AMELX: variants seen among roughly 807,000 people sequenced by gnomAD.
AMELX encodes amelogenin X-linked.
Under a neutral mutation model 15.8 loss-of-function variants are expected in AMELX, and 9 were observed. The observed-to-expected ratio is 0.57, with a 90% confidence interval of 0.34 to 0.99. AMELX has a LOEUF of 0.99. Ranked by LOEUF, AMELX falls within the 50% of genes least tolerant of loss-of-function variation. The pLI is 0.02. For synonymous variants in AMELX, 61 were observed against 58.8 expected (o/e 1.04, Z -0.17); for missense variants, 107 against 156.2 (o/e 0.68, Z 1.68).
At chrX:11,298,413 T>A in intron 4 of AMELX, 135 bp from the exon 5 acceptor site, 1 of 1,118,100 alleles carries the variant, frequency 8.9e-7, no homozygotes, top group South Asian at 1.8e-5. Context: ...CATATCTGTG[T>A]ACACAGTTAC....
At chrX:11,305,834 T>A in the AMELX span, among the ~76,000 whole-genome samples, 6 of 111,971 alleles carry the variant, frequency 5.4e-5, no homozygotes, top group South Asian at 2.3e-3. Flanking sequence ...GAAGTTTTTG[T>A]TACAAAATTG....
At chrX:11,297,770 G>A in intron 3 of AMELX, among the ~76,000 whole-genome samples, 1 of 112,083 alleles carries the variant, frequency 8.9e-6, no homozygotes, top group Admixed American at 9.4e-5. Flanking sequence ...TAGGATGAGG[G>A]ACAGTGTTTG....
chrX:11,306,324 G>A, the AMELX span, among the ~76,000 whole-genome samples: 1 of 112,380 alleles, frequency 8.9e-6, no homozygotes, highest in Admixed American at 9.4e-5. Flanking sequence ...TTCTACTTTT[G>A]TCTCCCCCTT....
In AMELX at chrX:11,296,894, A is replaced by T. The variant is rs1275669963; in HGVS notation, c.102+68A>T. ...CAATGCCCTGGGCTCTGTAAAGAAT[A>T]GTGTGTTGATTCTTTATCCCAGATG... On this transcript the variant is annotated intron_variant, in intron 3 of 5. Transcript: ENST00000380714. 51 of 1,115,716 alleles carry T rather than the reference A, an allele frequency of 4.6e-5. 1 individual carries two copies. The South Asian group carries it at 9.0e-4, about 20-fold the overall frequency. The allele number at this position is 1,115,716 out of a possible 1,213,427, so 91.9% of individuals were successfully genotyped here.
the AMELX span, among the ~76,000 whole-genome samples, chrX:11,308,127 T>A: frequency 8.9e-6 from 1 of 112,209 alleles, no homozygotes; most frequent in Non-Finnish European, 1.9e-5. Context: ...AGGTAATAGA[T>A]CACCAATCTG....
At chrX:11,297,038 C>G (rs1258640837) in intron 3 of AMELX, among the ~76,000 whole-genome samples, 3 of 111,619 alleles carry the variant, frequency 2.7e-5, no homozygotes, top group African/African-American at 9.8e-5. Flanking sequence ...CTGACTCAGT[C>G]TGTCCTCCTA....
chrX:11,309,062 A>G, the AMELX span, among the ~76,000 whole-genome samples: 22 of 111,817 alleles, frequency 2.0e-4, no homozygotes, highest in African/African-American at 6.8e-4. Context: ...GGACACATTG[A>G]GCAAATCCCT....
chrX:11,308,043 A>G, the AMELX span, among the ~76,000 whole-genome samples: 3 of 112,566 alleles, frequency 2.7e-5, no homozygotes, highest in Non-Finnish European at 5.6e-5. Flanking sequence ...CTTTATACCT[A>G]TGGTGGCATG....
intron 2 of AMELX, among the ~76,000 whole-genome samples, chrX:11,296,517 A>G (rs749309419): frequency 4.6e-4 from 51 of 112,053 alleles, no homozygotes; most frequent in African/African-American, 1.5e-3. Flanking sequence ...GTCTCCAGCC[A>G]TAAGGCTATA....
At chrX:11,307,208 T>C in the AMELX span, among the ~76,000 whole-genome samples, 1 of 110,901 alleles carries the variant, frequency 9.0e-6, no homozygotes, top group East Asian at 2.8e-4. Flanking sequence ...GACAGCCCAC[T>C]GAACACACAC....
downstream of AMELX, among the ~76,000 whole-genome samples, chrX:11,301,859 C>A (rs748542756): frequency 8.9e-5 from 10 of 112,045 alleles, no homozygotes; most frequent in East Asian, 2.8e-3. Flanking sequence ...GACAGAAGTA[C>A]AGTCAAAACA....
rs187280112 is a variant in AMELX, at chrX:11,298,408, C to T, written c.144+131C>T. ...AAATTTAGTTTGTAAAAAATCATAT[C>T]TGTGTACACAGTTACAAATTTTTGC... On this transcript the variant is annotated intron_variant, in intron 4 of 5. Transcript: ENST00000380714. 9.1e-5 allele frequency: 102 copies of T among 1,116,292 alleles called. 1 individual carries two copies. The Admixed American group carries it at 2.2e-3, about 24-fold the overall frequency. The allele number at this position is 1,116,292 out of a possible 1,213,427, so 92.0% of individuals were successfully genotyped here.
At chrX:11,297,684 T>G (rs749369093) in intron 3 of AMELX, among the ~76,000 whole-genome samples, 1 of 111,782 alleles carries the variant, frequency 8.9e-6, no homozygotes, top group Non-Finnish European at 1.9e-5. Flanking sequence ...TGAAGACAAA[T>G]GTTAGTAAGA....
chrX:11,297,589 A>T (rs1033759697), intron 3 of AMELX, among the ~76,000 whole-genome samples: 2 of 112,146 alleles, frequency 1.8e-5, no homozygotes, highest in African/African-American at 6.5e-5. Flanking sequence ...CTAACCAAGT[A>T]TATATACTGT....
At chrX:11,308,984 C>T in the AMELX span, among the ~76,000 whole-genome samples, 2 of 111,819 alleles carry the variant, frequency 1.8e-5, no homozygotes, top group Non-Finnish European at 1.9e-5. Context: ...CTTAAAGCAA[C>T]AGGCAGAGGC....
Position 11,298,991 on chromosome X carries a change from C to G in AMELX, c.570+18C>G. On this transcript the variant is annotated intron_variant, in intron 5 of 5. Transcript: ENST00000380714. ...AGGAAGTGGTGAGTATATTTTGAAGCCACTACAATGCAAATCCTGTGAAAA... is the reference window on the plus strand; with the variant it reads ...AGGAAGTGGTGAGTATATTTTGAAGGCACTACAATGCAAATCCTGTGAAAA... 1.7e-6 allele frequency: 2 copies of G among 1,205,325 alleles called. No homozygotes were observed. The highest frequency in any genetic ancestry group is 3.6e-5 in the South Asian group (2 of 55,898).
At chrX:11,296,138 A>G (rs2048080223) in intron 2 of AMELX, among the ~76,000 whole-genome samples, 1 of 112,581 alleles carries the variant, frequency 8.9e-6, no homozygotes, top group Non-Finnish European at 1.9e-5. Flanking sequence ...TAATGTTTCC[A>G]CTTTGCTCCA....
At chrX:11,294,703 T>G (rs1045414805) in intron 1 of AMELX, 74 bp from the exon 2 acceptor site, 4 of 1,029,005 alleles carry the variant, frequency 3.9e-6, no homozygotes, top group Admixed American at 2.2e-5. Flanking sequence ...GTAGATTATG[T>G]GTGTTTTATG....
chrX:11,296,630 T>C (rs1488176919), intron 2 of AMELX, 149 bp from the exon 3 acceptor site: 2 of 631,732 alleles, frequency 3.2e-6, no homozygotes, highest in Non-Finnish European at 5.0e-6. Flanking sequence ...CTCAAGTATA[T>C]TCTGCACTAT....
Sources: allele counts gnomAD v4.1 joint callset (sites outside exome capture counted in the v4.1 genomes callset), GRCh38; gene constraint gnomAD v4.1.1; transcripts MANE v1.5; gene names NCBI Gene and HGNC (gene_info 2026-07-23, HGNC 2026-07-21).